Variants in CLIC5 observed in about 807,000 individuals in gnomAD.
The protein encoded by CLIC5 is chloride intracellular channel protein 5.
A neutral mutation model predicts 24.7 loss-of-function variants in CLIC5; 20 were observed. The ratio of observed to expected loss-of-function variants is 0.81; its 90% CI spans 0.57 to 1.18. CLIC5 has a LOEUF of 1.18. Among genes scored for constraint, CLIC5 ranks in the 50% most tolerant of loss-of-function variants. The pLI, the probability that CLIC5 is intolerant of heterozygous loss-of-function variation, is 0.00. For missense variants in CLIC5, 341 were observed against 326.1 expected (o/e 1.05, Z -0.35); for synonymous variants, 159 against 135.6 (o/e 1.17, Z -1.20).
chr6:46,007,592 A>G (rs1169197456), intron 1 of CLIC5, among the ~76,000 whole-genome samples: 1 of 152,164 alleles, frequency 6.6e-6, no homozygotes, highest in Non-Finnish European at 1.5e-5. Context: ...CCTTATTCCA[A>G]CATGGTCACA....
In CLIC5 at chr6:45,986,931, C is replaced by T. The variant is rs1006639220; in HGVS notation, c.63+28549G>A. On this transcript the variant is annotated intron_variant, in intron 1 of 5. Transcript: ENST00000339561. ...ACCCTGGGGTCATATTATTTGTACACAATTCCAGGATAGCATTAACCTGAG... is the reference window on the plus strand; with the variant it reads ...ACCCTGGGGTCATATTATTTGTACATAATTCCAGGATAGCATTAACCTGAG... 2.0e-5 allele frequency among the ~76,000 whole-genome samples: 3 copies of T among 152,314 alleles called. No homozygotes were observed. In the East Asian group the frequency reaches 5.8e-4, roughly 29 times the overall value.
intron 1 of CLIC5, among the ~76,000 whole-genome samples, chr6:46,007,966 G>A (rs1766650437): frequency 6.8e-6 from 1 of 146,818 alleles, no homozygotes; most frequent in South Asian, 2.2e-4. Context: ...GGGTACATGA[G>A]CAATTTTGTT....
chr6:46,075,443 G>T (rs1270832982), intron 1 of CLIC5, among the ~76,000 whole-genome samples: 2 of 152,034 alleles, frequency 1.3e-5, no homozygotes, highest in African/African-American at 2.4e-5. Flanking sequence ...TAATTAGATG[G>T]GTATGGTGGT....
Position 45,901,400 on chromosome 6 carries a change from T to G in CLIC5, c.*1688A>C, listed in dbSNP as rs1762508623. The G allele has an allele frequency of 6.6e-6, 1 of 152,128 alleles. No individual in the cohort carries two copies. The highest frequency in any genetic ancestry group is 6.5e-5 in the Admixed American group (1 of 15,280). The allele number at this position is 152,128 out of a possible 1,614,324, so 9.4% of individuals were successfully genotyped here. A position where few individuals can be genotyped will look rare whatever the true frequency, so the allele number is the denominator to read the frequency against. The stretch of plus-strand genomic sequence containing the variant: ...CCTCTGATTTGATCAATGGGTTACT[T>G]TTTTTCTTCAGAGATCCCTGGAGGC... On this transcript the variant is annotated 3_prime_UTR_variant, in exon 6 of 6. Transcript: ENST00000339561.
rs561737204 is a variant in CLIC5 at position 45,982,675 on chromosome 6, G to A, written c.64-27431C>T. 2.5e-4 allele frequency among the ~76,000 whole-genome samples: 38 copies of A among 152,262 alleles called. 1 individual carries two copies. Among genetic ancestry groups the A allele is most frequent in the African/African-American group, 8.9e-4 (37 of 41,556 alleles). On this transcript the variant is annotated intron_variant, in intron 1 of 5. Coordinates refer to ENST00000339561, the MANE Select transcript of CLIC5 (RefSeq NM_016929.5). The stretch of plus-strand genomic sequence containing the variant: ...ATTTTATGGGACCACCGTCTTCTAC[G>A]GGGTCCGTCGTTGGCTGAAACGTTA...
chr6:45,940,582 TG>T (rs1764094925), intron 4 of CLIC5, among the ~76,000 whole-genome samples: 1 of 152,216 alleles, frequency 6.6e-6, no homozygotes, highest in Admixed American at 6.5e-5. Context: ...TCTATTCCCT[TG>T]TTTTGGTCCA....
At chr6:46,096,449 T>C in the CLIC5 span, among the ~76,000 whole-genome samples, 1 of 152,368 alleles carries the variant, frequency 6.6e-6, no homozygotes, top group Middle Eastern at 3.4e-3. Context: ...TCTCTTGCTG[T>C]TGCAGTCATG....
At chr6:45,986,986 A>C (rs1765766068) in intron 1 of CLIC5, among the ~76,000 whole-genome samples, 1 of 152,226 alleles carries the variant, frequency 6.6e-6, no homozygotes, top group Non-Finnish European at 1.5e-5. Context: ...CACATGTATC[A>C]GTGGCAGTGT....
intron 1 of CLIC5, among the ~76,000 whole-genome samples, chr6:45,998,923 A>C (rs889750190): frequency 1.9e-4 from 29 of 152,192 alleles, no homozygotes; most frequent in African/African-American, 6.5e-4. Flanking sequence ...TTTATACTAC[A>C]AAGGCATAAC....
intron 1 of CLIC5, among the ~76,000 whole-genome samples, chr6:46,061,773 C>A (rs1762290625): frequency 1.3e-5 from 2 of 152,214 alleles, no homozygotes; most frequent in African/African-American, 4.8e-5. Context: ...AGTTGTATCA[C>A]AGATGTTCTT....
At chr6:46,021,966 G>A (rs1279822877) in intron 1 of CLIC5, among the ~76,000 whole-genome samples, 1 of 152,168 alleles carries the variant, frequency 6.6e-6, no homozygotes, top group Non-Finnish European at 1.5e-5. Context: ...TTCCAAAAAG[G>A]TAAAGCCATC....
In CLIC5 at chr6:46,009,488, T is replaced by A. The variant is rs189489555; in HGVS notation, c.63+5992A>T. On this transcript the variant is annotated intron_variant, in intron 1 of 5. Transcript: ENST00000339561. ...AGAGAGAGTCCTTTACAGAACTACA[T>A]CTTAGGAAACTCATGCTTAACCACT... is the stretch of plus-strand genomic sequence containing the variant. Among the ~76,000 whole-genome samples, 112 of 152,198 alleles carry A rather than the reference T, an allele frequency of 7.4e-4. 1 individual carries two copies. Among genetic ancestry groups the A allele is most frequent in the African/African-American group, 2.6e-3 (106 of 41,552 alleles).
At chr6:46,005,018 G>T (rs922965963) in intron 1 of CLIC5, among the ~76,000 whole-genome samples, 4 of 152,194 alleles carry the variant, frequency 2.6e-5, no homozygotes, top group African/African-American at 9.7e-5. Flanking sequence ...TTCATCCTTG[G>T]TGTTGACGGG....
chr6:45,957,017 C>G (rs1384737224), intron 1 of CLIC5, among the ~76,000 whole-genome samples: 9 of 152,140 alleles, frequency 5.9e-5, no homozygotes, highest in Non-Finnish European at 1.3e-4. Flanking sequence ...TGACAGGTAC[C>G]AGGTTCTCGG....
chr6:46,012,860 GT>G (rs916941548), intron 1 of CLIC5, among the ~76,000 whole-genome samples: 13 of 152,156 alleles, frequency 8.5e-5, no homozygotes, highest in African/African-American at 3.1e-4. Context: ...CAGTTTATTT[GT>G]TTTCTTTATC....
intron 4 of CLIC5, among the ~76,000 whole-genome samples, chr6:45,941,079 C>A (rs934172568): frequency 6.6e-6 from 1 of 152,158 alleles, no homozygotes; most frequent in Non-Finnish European, 1.5e-5. Flanking sequence ...CCAGGTCTGC[C>A]TTCCACATTT....
chr6:46,084,104 C>CT (rs1017791921), upstream of CLIC5, among the ~76,000 whole-genome samples: 11 of 151,976 alleles, frequency 7.2e-5, no homozygotes, highest in Admixed American at 2.0e-4. Context: ...CAACCCCTGC[C>CT]TTTTTTTGTT....
At chr6:46,040,401 G>C (rs1767774265) in intron 1 of CLIC5, among the ~76,000 whole-genome samples, 1 of 152,112 alleles carries the variant, frequency 6.6e-6, no homozygotes. Context: ...GCTTGGTGGT[G>C]GTACAGATAG....
chr6:45,939,217 C>CTTTTT (rs34976541), intron 4 of CLIC5, among the ~76,000 whole-genome samples: 6 of 115,772 alleles, frequency 5.2e-5, no homozygotes, highest in South Asian at 3.1e-4. Flanking sequence ...CTCCTCTCCT[C>CTTTTT]TTTTTTTTTT....
Sources: gnomAD v4.1 joint callset for allele counts (sites outside exome capture counted in the v4.1 genomes callset) on GRCh38, gnomAD v4.1.1 for gene constraint, MANE v1.5 for transcripts, NCBI Gene and HGNC (gene_info 2026-07-23, HGNC 2026-07-21) for gene names.